SLC8A1: variants seen among roughly 807,000 people sequenced by gnomAD.
SLC8A1 encodes solute carrier family 8 member A1.
Under a neutral mutation model 68.3 loss-of-function variants are expected in SLC8A1, and 18 were observed. The ratio of observed to expected loss-of-function variants is 0.26; its 90% confidence interval spans 0.18 to 0.39. SLC8A1 has a LOEUF of 0.39. SLC8A1 is among the 10% of genes least tolerant of loss of function. The probability of loss-of-function intolerance (pLI) is 1.00; values close to 1 mark genes in which losing one functional copy is unlikely to be tolerated. For synonymous variants in SLC8A1, 475 were observed against 415.5 expected (o/e 1.14, Z -1.74); for missense variants, 985 against 1,156.7 (o/e 0.85, Z 2.15).
intron 2 of SLC8A1, among the ~76,000 whole-genome samples, chr2:40,332,479 T>C (rs2076520939): frequency 6.6e-6 from 1 of 152,142 alleles, no homozygotes; most frequent in Non-Finnish European, 1.5e-5. Context: ...CTTTATCCCG[T>C]GAGTTCATTT....
chr2:40,297,747 G>A (rs1436577412), intron 2 of SLC8A1, among the ~76,000 whole-genome samples: 1 of 152,114 alleles, frequency 6.6e-6, no homozygotes, highest in South Asian at 2.1e-4. Flanking sequence ...TTTAGCATTG[G>A]TAGAGTAACA....
At chr2:40,410,012 AG>A (rs1190186949) in intron 2 of SLC8A1, among the ~76,000 whole-genome samples, 2 of 152,062 alleles carry the variant, frequency 1.3e-5, no homozygotes, top group East Asian at 3.8e-4. Context: ...AGGGAAAAAA[AG>A]GGGGAGGGGA....
chr2:40,355,365 T>C (rs1412035069), intron 2 of SLC8A1, among the ~76,000 whole-genome samples: 1 of 152,138 alleles, frequency 6.6e-6, no homozygotes, highest in Non-Finnish European at 1.5e-5. Flanking sequence ...AAGGTCACTT[T>C]CCATTTTTAC....
At chr2:40,397,499 A>T (rs1160532840) in intron 2 of SLC8A1, among the ~76,000 whole-genome samples, 1 of 152,212 alleles carries the variant, frequency 6.6e-6, no homozygotes, top group African/African-American at 2.4e-5. Flanking sequence ...CACAAGAAGC[A>T]CTGTCAACTG....
At chr2:40,421,943 C>T (rs991019945) in intron 2 of SLC8A1, among the ~76,000 whole-genome samples, 12 of 152,070 alleles carry the variant, frequency 7.9e-5, no homozygotes, top group African/African-American at 2.2e-4. Context: ...TAATGCTTCC[C>T]ATATTGTTAA....
intron 2 of SLC8A1, among the ~76,000 whole-genome samples, chr2:40,321,932 T>C (rs1190330956): frequency 1.3e-5 from 2 of 152,072 alleles, no homozygotes; most frequent in Non-Finnish European, 2.9e-5. Flanking sequence ...AAACCTCTAC[T>C]GTCTGATTCA....
At chr2:40,379,340 G>C (rs769813750) in intron 2 of SLC8A1, among the ~76,000 whole-genome samples, 1 of 152,086 alleles carries the variant, frequency 6.6e-6, no homozygotes, top group Non-Finnish European at 1.5e-5. Flanking sequence ...CAATTAAGAA[G>C]TTTTAGCTAA....
chr2:40,277,484 G>A (rs1157706460), intron 2 of SLC8A1, among the ~76,000 whole-genome samples: 3 of 151,986 alleles, frequency 2.0e-5, no homozygotes, highest in Non-Finnish European at 4.4e-5. Context: ...AGGTTGCAGT[G>A]AGCTGAGATA....
intron 2 of SLC8A1, among the ~76,000 whole-genome samples, chr2:40,424,150 A>G (rs984273456): frequency 1.3e-5 from 2 of 151,912 alleles, no homozygotes; most frequent in East Asian, 3.8e-4. Flanking sequence ...GTATGTGCTA[A>G]CAGCCTTTCT....
intron 2 of SLC8A1, among the ~76,000 whole-genome samples, chr2:40,338,696 C>G (rs1378334192): frequency 6.6e-6 from 1 of 152,156 alleles, no homozygotes; most frequent in African/African-American, 2.4e-5. Flanking sequence ...AAAGAAGTCA[C>G]TAGGGATGAT....
intron 1 of SLC8A1, among the ~76,000 whole-genome samples, chr2:40,438,953 T>C (rs1699987787): frequency 6.6e-6 from 1 of 152,156 alleles, no homozygotes; most frequent in Non-Finnish European, 1.5e-5. Context: ...GAAGTGCGTG[T>C]CTGAAAATCA....
At chr2:40,327,561 C>T (rs66566834) in intron 2 of SLC8A1, among the ~76,000 whole-genome samples, 34,532 of 151,972 alleles carry the variant, frequency 0.23, 4,706 homozygotes, top group East Asian at 0.38. Flanking sequence ...CAGTGCTTCA[C>T]CGTGGAATAC....
intron 6 of SLC8A1, among the ~76,000 whole-genome samples, chr2:40,155,670 G>A (rs534814905): frequency 2.6e-5 from 4 of 152,266 alleles, no homozygotes; most frequent in African/African-American, 9.6e-5. Flanking sequence ...TTGTCCAGGG[G>A]ACCACTGAGT....
At chr2:40,253,359 T>C (rs1399764627) in intron 2 of SLC8A1, among the ~76,000 whole-genome samples, 1 of 151,508 alleles carries the variant, frequency 6.6e-6, no homozygotes, top group Non-Finnish European at 1.5e-5. Flanking sequence ...CAATGGAATA[T>C]TGTCCAGCCA....
At chr2:40,203,578 C>G (rs1348909987) in intron 2 of SLC8A1, among the ~76,000 whole-genome samples, 1 of 152,020 alleles carries the variant, frequency 6.6e-6, no homozygotes, top group African/African-American at 2.4e-5. Context: ...TTAGAGGAGT[C>G]TTAGCCAAAA....
At chr2:40,203,393 C>T (rs1330559038) in intron 2 of SLC8A1, among the ~76,000 whole-genome samples, 1 of 151,954 alleles carries the variant, frequency 6.6e-6, no homozygotes, top group East Asian at 1.9e-4. Context: ...TCCCCAATAA[C>T]ATTGTGCTAA....
chr2:40,440,600 C>G (rs1700285978), intron 1 of SLC8A1, among the ~76,000 whole-genome samples: 1 of 152,082 alleles, frequency 6.6e-6, no homozygotes, highest in Non-Finnish European at 1.5e-5. Flanking sequence ...GCTGGGAAGA[C>G]AGATGACAGA....
chr2:40,131,834 T>C (rs1315546439), intron 7 of SLC8A1, among the ~76,000 whole-genome samples: 1 of 150,056 alleles, frequency 6.7e-6, no homozygotes, highest in Admixed American at 6.7e-5. Context: ...ATGGCTGTGC[T>C]GATGAGGATT....
chr2:40,233,012 G>A (rs1194490454), intron 2 of SLC8A1, among the ~76,000 whole-genome samples: 1 of 151,730 alleles, frequency 6.6e-6, no homozygotes, highest in Admixed American at 6.6e-5. Flanking sequence ...TGGACATTTG[G>A]GTTGGTTCCA....
Sources: allele counts gnomAD v4.1 joint callset (sites outside exome capture counted in the v4.1 genomes callset), GRCh38; gene constraint gnomAD v4.1.1; transcripts MANE v1.5; gene names NCBI Gene and HGNC (gene_info 2026-07-23, HGNC 2026-07-21).